NCBP2L: variants seen among roughly 807,000 people sequenced by gnomAD.
The protein encoded by NCBP2L is nuclear cap-binding protein subunit 2-like.
For synonymous variants in NCBP2L, 39 were observed against 19.2 expected, an observed-to-expected ratio of 2.04 and a Z score of -2.70; for missense variants, 95 against 53.1, an observed-to-expected ratio of 1.79 and a Z score of -2.45.
intron 1 of NCBP2L, among the ~76,000 whole-genome samples, chrX:107,782,193 AT>A (rs1368850924): frequency 1.8e-3 from 38 of 20,715 alleles, no homozygotes; most frequent in South Asian, 3.6e-3. Context: ...ATATATATAT[AT>A]AAATATATAT....
rs769500481 is a variant in NCBP2L, at chrX:107,794,279, G to A, written c.59G>A (p.Arg20Gln). Reference protein sequence around the residue: ...KDPALELSCYRDHQFSGRKFQ... With the variant: ...KDPALELSCYQDHQFSGRKFQ... Reference sequence around the variant, plus strand: ...CCTGCTTTGGAGCTGAGCTGCTACCGGGACCATCAGTTCAGTGGCCGTAAA... The same window carrying A: ...CCTGCTTTGGAGCTGAGCTGCTACCAGGACCATCAGTTCAGTGGCCGTAAA... The change falls in exon 2 of 2, where the codon CGG becomes CAG. Residue 20 changes from arginine to glutamine, a missense_variant. Transcript: ENST00000509000. 4.8e-5 allele frequency: 27 copies of A among 566,428 alleles called. No individual in the cohort carries two copies. Among genetic ancestry groups the A allele is most frequent in the South Asian group, 3.8e-4 (17 of 44,320 alleles). 46.7% of individuals were successfully genotyped at this position (566,428 alleles called of 1,213,427 possible). A position where few individuals can be genotyped will look rare whatever the true frequency, so the allele number is the denominator to read the frequency against.
At chrX:107,782,180 TAAA>T (rs1930302704) in intron 1 of NCBP2L, among the ~76,000 whole-genome samples, 2 of 29,656 alleles carry the variant, frequency 6.7e-5, no homozygotes, top group Non-Finnish European at 1.0e-4. Context: ...TATATATATA[TAAA>T]TATATATATA....
intron 1 of NCBP2L, among the ~76,000 whole-genome samples, chrX:107,781,732 C>CTA (rs753722791): frequency 1.7e-4 from 9 of 53,420 alleles, no homozygotes; most frequent in East Asian, 8.4e-4. Context: ...ATCTATAGAT[C>CTA]TATATATAGA....
At chrX:107,781,214 G>A (rs753810845) in intron 1 of NCBP2L, among the ~76,000 whole-genome samples, 5 of 105,846 alleles carry the variant, frequency 4.7e-5, no homozygotes, top group South Asian at 8.3e-4. Context: ...CATGAAGGCC[G>A]GCTTTTTTTT....
rs1281752131 is a variant in NCBP2L at position 107,794,472 on chromosome X, A to G, written c.252A>G (p.Val84=). ...IKKTACGFCF[V]ECHNRADAEN... ...AAACAGCATGTGGTTTTTGCTTTGT[A>G]GAATGCCATAACAGAGCTGATGCTG... The change falls in exon 2 of 2, where the codon GTA becomes GTG. Residue 84 remains valine, a synonymous_variant. Transcript: ENST00000509000. 7.0e-6 allele frequency: 4 copies of G among 569,024 alleles called. No homozygotes were observed. Among genetic ancestry groups the G allele is most frequent in the African/African-American group, 2.2e-5 (1 of 44,946 alleles). The allele number at this position is 569,024 out of a possible 1,213,427, so 46.9% of individuals were successfully genotyped here.
chrX:107,784,330 A>G (rs904607566), intron 1 of NCBP2L, among the ~76,000 whole-genome samples: 7 of 111,082 alleles, frequency 6.3e-5, no homozygotes, highest in African/African-American at 2.3e-4. Flanking sequence ...GTGGCAGTTG[A>G]TAGTGTTATT....
intron 1 of NCBP2L, among the ~76,000 whole-genome samples, chrX:107,782,280 TATATAA>T (rs1306957665): frequency 3.1e-5 from 1 of 32,780 alleles, no homozygotes; most frequent in African/African-American, 3.0e-4. Context: ...TATATAAATA[TATATAA>T]ATATATATAT....
intron 1 of NCBP2L, among the ~76,000 whole-genome samples, chrX:107,783,370 T>A (rs754240523): frequency 7.6e-5 from 7 of 92,127 alleles, no homozygotes; most frequent in South Asian, 4.9e-4. Flanking sequence ...TTTTTTTTTT[T>A]TTTTTTTTTA....
chrX:107,782,944 T>C (rs1030440907), intron 1 of NCBP2L, among the ~76,000 whole-genome samples: 46 of 102,120 alleles, frequency 4.5e-4, no homozygotes, highest in Non-Finnish European at 7.3e-4. Context: ...TACATGTGTG[T>C]ATATATATAT....
intron 1 of NCBP2L, among the ~76,000 whole-genome samples, chrX:107,782,730 G>T (rs903401915): frequency 9.4e-5 from 10 of 106,777 alleles, no homozygotes; most frequent in African/African-American, 3.4e-4. Flanking sequence ...TCTGTGTTTG[G>T]CTTATTTCAC....
rs143139531 is a variant in NCBP2L at position 107,790,563 on chromosome X, G to A, written c.-72-3586G>A. Among the ~76,000 whole-genome samples, 898 of 110,684 alleles carry A rather than the reference G, an allele frequency of 8.1e-3. 8 individuals are homozygous for A. Among genetic ancestry groups the A allele is most frequent in the African/African-American group, 0.028 (859 of 30,325 alleles). On this transcript the variant is annotated intron_variant, in intron 1 of 1. Transcript: ENST00000509000. ...TCCTTATTTTCTTTGCCCAAATAAC[G>A]TCAGACTGAACACCCCCCATCACGC...
In NCBP2L at chrX:107,794,934, AG is replaced by A; in HGVS notation, c.*254del. ...GTGAAGTGTTCTTCGGGAACAAATTAGGTATGTAAGATCAGAGTCAACCAAA... is the reference window on the plus strand; with the variant it reads ...GTGAAGTGTTCTTCGGGAACAAATTAGTATGTAAGATCAGAGTCAACCAAA... On this transcript the variant is annotated 3_prime_UTR_variant, in exon 2 of 2. Coordinates refer to ENST00000509000, the MANE Select transcript of NCBP2L (RefSeq NM_001348372.2). The A allele has an allele frequency of 4.4e-6, 1 of 229,876 alleles. No individual in the cohort carries two copies. Among genetic ancestry groups the A allele is most frequent in the Non-Finnish European group, 7.8e-6 (1 of 127,616 alleles). 18.9% of individuals were successfully genotyped at this position (229,876 alleles called of 1,213,427 possible). A position where few individuals can be genotyped will look rare whatever the true frequency, so the allele number is the denominator to read the frequency against.
rs1423131029 is a variant in NCBP2L, at chrX:107,782,248, TAA to T, written c.-73+4392_-73+4393del. ...ATATATATATATAAATATATATATA[TAA>T]ATATATATATAAATATATATATATA... On this transcript the variant is annotated intron_variant, in intron 1 of 1. Transcript: ENST00000509000. Among the ~76,000 whole-genome samples, 16 of 7,514 alleles carry T rather than the reference TAA, an allele frequency of 2.1e-3. 3 individuals carry two copies. Among genetic ancestry groups the T allele is most frequent in the African/African-American group, 0.013 (14 of 1,070 alleles). The allele number at this position is 7,514 out of a possible 115,157, so 6.5% of individuals were successfully genotyped here.
chrX:107,782,338 A>AAT (rs1382605893), intron 1 of NCBP2L, among the ~76,000 whole-genome samples: 5 of 34,789 alleles, frequency 1.4e-4, no homozygotes, highest in Admixed American at 1.0e-3. Flanking sequence ...TATATATATA[A>AAT]ATATATATAT....
At chrX:107,781,692 C>CTCTCTCTCTCTCTATA (rs1395038482) in intron 1 of NCBP2L, among the ~76,000 whole-genome samples, 830 of 66,776 alleles carry the variant, frequency 0.012, 22 homozygotes, top group African/African-American at 0.029. Flanking sequence ...CTCTCTCTCT[C>CTCTCTCTCTCTCTATA]TATATATATA....
chrX:107,781,741 GATATCTATATAT>G (rs1930288231), intron 1 of NCBP2L, among the ~76,000 whole-genome samples: 2 of 52,364 alleles, frequency 3.8e-5, no homozygotes, highest in African/African-American at 1.8e-4. Flanking sequence ...TCTATATATA[GATATCTATATAT>G]AGATCTATAG....
At chrX:107,793,326 G>A (rs1451838358) in intron 1 of NCBP2L, among the ~76,000 whole-genome samples, 1 of 110,957 alleles carries the variant, frequency 9.0e-6, no homozygotes, top group African/African-American at 3.3e-5. Flanking sequence ...GTTTTGCGGT[G>A]TTTCTATCAT....
chrX:107,781,692 C>CTCTCTCTCTCTCTCTCTATA (rs1395038482), intron 1 of NCBP2L, among the ~76,000 whole-genome samples: 11 of 66,911 alleles, frequency 1.6e-4, no homozygotes, highest in Admixed American at 3.2e-4. Context: ...CTCTCTCTCT[C>CTCTCTCTCTCTCTCTCTATA]TATATATATA....
chrX:107,789,964 A>C (rs1488190847), intron 1 of NCBP2L, among the ~76,000 whole-genome samples: 1 of 110,835 alleles, frequency 9.0e-6, no homozygotes, highest in Non-Finnish European at 1.9e-5. Context: ...CCAAACCCAT[A>C]TACTAGTTAA....
Sources: allele counts gnomAD v4.1 joint callset (sites outside exome capture counted in the v4.1 genomes callset), GRCh38; gene constraint gnomAD v4.1.1; transcripts MANE v1.5; gene names NCBI Gene and HGNC (gene_info 2026-07-23, HGNC 2026-07-21).